The following KCNB2 variants were observed in gnomAD, a reference collection of about 807,000 sequenced individuals.
The protein encoded by KCNB2 is delayed rectifier potassium channel protein.
In KCNB2, 15 loss-of-function variants were observed where a neutral mutation model predicts 61.5. That is an observed-to-expected ratio of 0.24 (90% CI 0.16 to 0.38). The LOEUF (loss-of-function observed/expected upper bound fraction) is 0.38, where lower values mean the gene tolerates loss of function less well. Among genes scored for constraint, KCNB2 ranks in the 10% least tolerant of loss-of-function variants. KCNB2 has a pLI of 1.00. For missense variants in KCNB2, 828 were observed against 1,125.2 expected (o/e 0.74, Z 3.78); for synonymous variants, 457 against 446.0 (o/e 1.02, Z -0.31).
chr8:72,866,075 C>A (rs1426002018), intron 2 of KCNB2, among the ~76,000 whole-genome samples: 1 of 152,248 alleles, frequency 6.6e-6, no homozygotes, highest in Non-Finnish European at 1.5e-5. Context: ...CATTGTCATT[C>A]AGATGTTGGA....
At chr8:72,893,571 T>C (rs1362796181) in intron 2 of KCNB2, among the ~76,000 whole-genome samples, 1 of 152,212 alleles carries the variant, frequency 6.6e-6, no homozygotes, top group African/African-American at 2.4e-5. Context: ...AATCTCCATG[T>C]ATAGTGCTTA....
chr8:72,914,765 T>C (rs13262604), intron 2 of KCNB2, among the ~76,000 whole-genome samples: 89,716 of 152,090 alleles, frequency 0.59, 27,741 homozygotes, highest in Middle Eastern at 0.7. Flanking sequence ...TCATGAATAT[T>C]ACTGATTAGA....
At position 72,574,526 on chromosome 8, in the gene KCNB2, T is replaced by C. The variant is rs1258762152; in HGVS notation, c.579+6213T>C. 6.6e-5 allele frequency among the ~76,000 whole-genome samples: 10 copies of C among 152,218 alleles called. No homozygotes were observed. The East Asian group carries it at 1.7e-3, about 26-fold the overall frequency. ...GAAAAAGTAAATTACCCAAGAATCATGCACTTTTTGGTTCCTCTTTGCTTC... is the reference window on the plus strand; with the variant it reads ...GAAAAAGTAAATTACCCAAGAATCACGCACTTTTTGGTTCCTCTTTGCTTC... On this transcript the variant is annotated intron_variant, in intron 2 of 2. Transcript: ENST00000523207.
intron 2 of KCNB2, among the ~76,000 whole-genome samples, chr8:72,602,771 C>A (rs1361342522): frequency 6.6e-6 from 1 of 152,110 alleles, no homozygotes; most frequent in East Asian, 1.9e-4. Context: ...AGCCTGACAC[C>A]TTCATGAGAG....
At chr8:72,666,984 A>AGT (rs142689703) in intron 2 of KCNB2, among the ~76,000 whole-genome samples, 559 of 148,698 alleles carry the variant, frequency 3.8e-3, no homozygotes, top group Middle Eastern at 0.01. Context: ...TTTCCACATA[A>AGT]GTGTGTGTGT....
At chr8:72,734,198 A>G (rs1807799313) in intron 2 of KCNB2, among the ~76,000 whole-genome samples, 2 of 152,216 alleles carry the variant, frequency 1.3e-5, no homozygotes, top group Admixed American at 6.5e-5. Flanking sequence ...CAAACACAGC[A>G]TTATCATTTC....
Position 72,554,972 on chromosome 8 carries a change from G to A in KCNB2, c.-93-12670G>A, listed in dbSNP as rs568521797. Among the ~76,000 whole-genome samples the A allele has an allele frequency of 2.6e-5, 4 of 152,060 alleles. No individual in the cohort carries two copies. The East Asian group carries it at 7.7e-4, about 29-fold the overall frequency. On this transcript the variant is annotated intron_variant, in intron 1 of 2. Coordinates refer to ENST00000523207, the MANE Select transcript of KCNB2 (RefSeq NM_004770.3). ...TCTTACCTTCAATATCATGCTACTA[G>A]GATTGCTCAATATTGATCCCATATT...
intron 2 of KCNB2, among the ~76,000 whole-genome samples, chr8:72,865,001 C>T (rs548858563): frequency 6.6e-6 from 1 of 152,296 alleles, no homozygotes; most frequent in Admixed American, 6.5e-5. Flanking sequence ...GCCTCATTCA[C>T]CTCCCACCTG....
chr8:72,722,708 C>T (rs890315028), intron 2 of KCNB2, among the ~76,000 whole-genome samples: 8 of 152,232 alleles, frequency 5.3e-5, no homozygotes, highest in African/African-American at 1.7e-4. Context: ...GCACACTTTG[C>T]TCTAGATGCC....
At chr8:72,788,705 G>A (rs1808884147) in intron 2 of KCNB2, among the ~76,000 whole-genome samples, 2 of 152,088 alleles carry the variant, frequency 1.3e-5, no homozygotes, top group Admixed American at 1.3e-4. Context: ...AAGAGAATTA[G>A]AGAACCTGAA....
chr8:72,825,111 TA>T (rs1309795673), intron 2 of KCNB2, among the ~76,000 whole-genome samples: 1 of 152,226 alleles, frequency 6.6e-6, no homozygotes, highest in Non-Finnish European at 1.5e-5. Context: ...TGAATTTGAC[TA>T]CTCTAGGCAC....
chr8:72,728,107 A>G (rs577826872), intron 2 of KCNB2, among the ~76,000 whole-genome samples: 1 of 152,316 alleles, frequency 6.6e-6, no homozygotes, highest in East Asian at 1.9e-4. Flanking sequence ...GAAACCTTGC[A>G]GAAGAATGGA....
chr8:72,691,488 T>G (rs751548598), intron 2 of KCNB2, among the ~76,000 whole-genome samples: 6 of 152,090 alleles, frequency 3.9e-5, no homozygotes, highest in Non-Finnish European at 7.4e-5. Context: ...TAACTGGTAG[T>G]TTTTTTTCAC....
At chr8:72,718,005 A>G (rs1374103666) in intron 2 of KCNB2, among the ~76,000 whole-genome samples, 1 of 152,066 alleles carries the variant, frequency 6.6e-6, no homozygotes, top group Non-Finnish European at 1.5e-5. Context: ...TGGGCAAAGG[A>G]TATGAACAGA....
At chr8:72,660,195 C>T (rs543662769) in intron 2 of KCNB2, among the ~76,000 whole-genome samples, 7 of 152,246 alleles carry the variant, frequency 4.6e-5, no homozygotes, top group African/African-American at 1.7e-4. Flanking sequence ...CAGAAGGATG[C>T]TTGTTAAAGG....
chr8:72,555,410 T>G (rs1005545123), intron 1 of KCNB2, among the ~76,000 whole-genome samples: 1 of 151,778 alleles, frequency 6.6e-6, no homozygotes, highest in African/African-American at 2.4e-5. Flanking sequence ...AAATGTAAAT[T>G]TTACTTATGG....
chr8:72,602,488 T>C (rs1805370402), intron 2 of KCNB2, among the ~76,000 whole-genome samples: 1 of 152,180 alleles, frequency 6.6e-6, no homozygotes, highest in Admixed American at 6.5e-5. Context: ...CTTTATATAA[T>C]TTCCATGTGA....
chr8:72,543,411 T>C (rs1806217915), intron 1 of KCNB2, among the ~76,000 whole-genome samples: 1 of 152,192 alleles, frequency 6.6e-6, no homozygotes, highest in African/African-American at 2.4e-5. Flanking sequence ...ATGATAATAT[T>C]CAATTGAATA....
intron 2 of KCNB2, among the ~76,000 whole-genome samples, chr8:72,657,060 T>C (rs1806303190): frequency 6.6e-6 from 1 of 152,154 alleles, no homozygotes; most frequent in Non-Finnish European, 1.5e-5. Context: ...ACTAAATTAC[T>C]TTTAATTCAA....
Sources: allele counts gnomAD v4.1 joint callset (sites outside exome capture counted in the v4.1 genomes callset), GRCh38; gene constraint gnomAD v4.1.1; transcripts MANE v1.5; gene names NCBI Gene and HGNC (gene_info 2026-07-23, HGNC 2026-07-21).